The following EP300 variants were observed in gnomAD, a reference collection of about 807,000 sequenced individuals.
EP300 encodes the protein histone acetyltransferase p300.
EP300 carries 31 observed loss-of-function variants against 264.0 expected under a neutral mutation model. The observed-to-expected ratio is 0.12, with a 90% CI of 0.09 to 0.16. EP300 has a LOEUF of 0.16. Ranked by LOEUF, EP300 falls within the 10% of genes least tolerant of loss-of-function variation. EP300 has a pLI of 1.00. For synonymous variants in EP300, 1,340 were observed against 1,045.4 expected, an observed-to-expected ratio of 1.28 and a Z score of -5.44; for missense variants, 2,766 against 3,052.9, an observed-to-expected ratio of 0.91 and a Z score of 2.21.
At chr22:41,142,223 T>TA (rs2058986695) in intron 10 of EP300, among the ~76,000 whole-genome samples, 2 of 152,308 alleles carry the variant, frequency 1.3e-5, no homozygotes, top group South Asian at 4.1e-4. Flanking sequence ...TAGGAAATGC[T>TA]AATGACCTCT....
At chr22:41,121,838 A>G (rs572039492) in intron 2 of EP300, among the ~76,000 whole-genome samples, 2 of 152,266 alleles carry the variant, frequency 1.3e-5, no homozygotes, top group Non-Finnish European at 2.9e-5. Flanking sequence ...GGCATAATTT[A>G]TTGTCTTAGT....
chr22:41,103,741 A>G (rs2058743939), intron 1 of EP300, among the ~76,000 whole-genome samples: 1 of 152,144 alleles, frequency 6.6e-6, no homozygotes, highest in Non-Finnish European at 1.5e-5. Flanking sequence ...ATGCTAAGGA[A>G]TTTGCCATTT....
intron 1 of EP300, among the ~76,000 whole-genome samples, chr22:41,100,892 C>T (rs1029577609): frequency 5.9e-5 from 9 of 151,724 alleles, no homozygotes; most frequent in Non-Finnish European, 1.0e-4. Flanking sequence ...ATATATATAT[C>T]ATATATATTA....
At chr22:41,148,518 T>C (rs945265854) in intron 12 of EP300, among the ~76,000 whole-genome samples, 1 of 152,214 alleles carries the variant, frequency 6.6e-6, no homozygotes, top group Non-Finnish European at 1.5e-5. Flanking sequence ...TACTCGAGAT[T>C]TCTTTCTTTA....
chr22:41,134,815 A>T (rs1039601773), intron 6 of EP300, among the ~76,000 whole-genome samples: 1 of 152,198 alleles, frequency 6.6e-6, no homozygotes, highest in Non-Finnish European at 1.5e-5. Context: ...TAACATGTAC[A>T]GCGGTAATGG....
At chr22:41,147,026 T>C (rs1460332394) in intron 11 of EP300, among the ~76,000 whole-genome samples, 2 of 152,074 alleles carry the variant, frequency 1.3e-5, no homozygotes, top group African/African-American at 4.8e-5. Flanking sequence ...AACTGCAGGC[T>C]GGGCATGGTG....
intron 1 of EP300, among the ~76,000 whole-genome samples, chr22:41,099,087 C>A (rs1195428177): frequency 6.6e-6 from 1 of 152,012 alleles, no homozygotes; most frequent in Non-Finnish European, 1.5e-5. Flanking sequence ...TGATTTGCAA[C>A]GAAGTCTTGC....
intron 2 of EP300, among the ~76,000 whole-genome samples, chr22:41,125,188 G>C (rs1196515518): frequency 6.9e-6 from 1 of 144,022 alleles, no homozygotes; most frequent in African/African-American, 2.6e-5. Flanking sequence ...GCGTGATCTC[G>C]GCTCACTGCA....
At chr22:41,173,432 A>C (rs1009352377) in intron 28 of EP300, among the ~76,000 whole-genome samples, 191 bp from the exon 29 acceptor site, 2 of 152,240 alleles carry the variant, frequency 1.3e-5, no homozygotes, top group African/African-American at 4.8e-5. Context: ...CATTGCCTTA[A>C]AGATCACTGG....
chr22:41,152,483 G>C, intron 16 of EP300, 133 bp downstream of exon 16: 1 of 999,788 alleles, frequency 1.0e-6, no homozygotes, highest in South Asian at 1.6e-5. Context: ...CCCTGGGCCT[G>C]GTCTCTTCAT....
At chr22:41,174,911 G>A (rs545387612) in intron 29 of EP300, 2 of 152,042 alleles carry the variant, frequency 1.3e-5, no homozygotes, top group Non-Finnish European at 2.9e-5. Flanking sequence ...ATATACATAG[G>A]TGTTCAAAGT....
intron 18 of EP300, among the ~76,000 whole-genome samples, chr22:41,158,096 T>A (rs561881570): frequency 6.6e-6 from 1 of 152,324 alleles, no homozygotes; most frequent in East Asian, 1.9e-4. Context: ...TTGCCTAAGC[T>A]GGTCTGGAAC....
intron 17 of EP300, among the ~76,000 whole-genome samples, 159 bp downstream of exon 17, chr22:41,155,272 A>G (rs1186313170): frequency 6.6e-6 from 1 of 151,336 alleles, no homozygotes. Context: ...CTGGTTGCCT[A>G]GGCTGGAGTG....
rs942118923 is a variant in EP300, at chr22:41,179,369, C to A, written c.*413C>A. 3 of 219,080 alleles carry A rather than the reference C, an allele frequency of 1.4e-5. No homozygotes were observed. Among genetic ancestry groups the A allele is most frequent in the Non-Finnish European group, 2.8e-5 (3 of 108,958 alleles). The allele number at this position is 219,080 out of a possible 1,614,324, so 13.6% of individuals were successfully genotyped here. On this transcript the variant is annotated 3_prime_UTR_variant, in exon 31 of 31. Transcript: ENST00000263253. ...GATGGTTGACATTTTTCCCTATTTTCCTCACTTTATGGAAGAGTTAAAACA... is the reference window on the plus strand; with the variant it reads ...GATGGTTGACATTTTTCCCTATTTTACTCACTTTATGGAAGAGTTAAAACA...
intron 1 of EP300, among the ~76,000 whole-genome samples, chr22:41,093,510 C>T (rs935629067): frequency 2.4e-4 from 36 of 152,140 alleles, no homozygotes; most frequent in Admixed American, 3.3e-4. Context: ...GTTTCCTCTA[C>T]TTTCCACTCT....
chr22:41,166,758 C>G, intron 23 of EP300, 92 bp downstream of exon 23: 1 of 771,182 alleles, frequency 1.3e-6, no homozygotes, highest in South Asian at 1.7e-5. Flanking sequence ...TTTTTAATCA[C>G]AGTAATAGAG....
rs1416253825 is a variant in EP300, at chr22:41,147,910, C to A, written c.2205C>A (p.His735Gln). Residue 735 changes from histidine (H) to glutamine (Q), a missense_variant, in exon 12 of 31, where the codon CAC becomes CAA. By Grantham distance (24) the His-to-Gln change is conservative (BLOSUM62 0). Transcript: ENST00000263253. ...CCCGGCAAACCCCTCCTCTTCAGCA[C>A]CATGGACAGTTGGCTCAACCTGGAG... is the stretch of plus-strand genomic sequence containing the variant. ...IVPRQTPPLQHHGQLAQPGAL... is the reference protein window; with the variant it reads ...IVPRQTPPLQQHGQLAQPGAL... 1 of 1,613,586 alleles carries A rather than the reference C, an allele frequency of 6.2e-7. No homozygotes were observed. The highest frequency in any genetic ancestry group is 1.7e-5 in the Admixed American group (1 of 59,898).
intron 26 of EP300, 110 bp from the exon 27 acceptor site, chr22:41,170,296 C>A: frequency 9.4e-7 from 1 of 1,060,690 alleles, no homozygotes; most frequent in Non-Finnish European, 1.4e-6. Flanking sequence ...ACTGTGTTAT[C>A]TTGGGAAAAA....
chr22:41,092,802 C>G lies in EP300; in HGVS notation c.-203C>G. On this transcript the variant is annotated 5_prime_UTR_variant, in exon 1 of 31. Transcript: ENST00000263253. ...TTGGGCCCAGGCCCGGCCCCTCGCA[C>G]TTGCCCTTACCTTTTCTATCGAGTC... 2 of 659,076 alleles carry G rather than the reference C, an allele frequency of 3.0e-6. No individual in the cohort carries two copies. The highest frequency in any genetic ancestry group is 5.4e-5 in the East Asian group (2 of 37,090). 40.8% of individuals were successfully genotyped at this position (659,076 alleles called of 1,614,324 possible). A position where few individuals can be genotyped will look rare whatever the true frequency, so the allele number is the denominator to read the frequency against.
Sources: gnomAD v4.1 joint callset for allele counts (sites outside exome capture counted in the v4.1 genomes callset) on GRCh38, gnomAD v4.1.1 for gene constraint, MANE v1.5 for transcripts, NCBI Gene and HGNC (gene_info 2026-07-23, HGNC 2026-07-21) for gene names.